Variants in KAZN observed in about 807,000 individuals in gnomAD.
KAZN encodes the protein kazrin.
Under a neutral mutation model 87.4 loss-of-function variants are expected in KAZN, and 40 were observed. The ratio of observed to expected loss-of-function variants is 0.46; its 90% CI spans 0.36 to 0.60. KAZN has a LOEUF of 0.60. Among genes scored for constraint, KAZN ranks in the 20% least tolerant of loss-of-function variants. The pLI is 0.00. For synonymous variants in KAZN, 466 were observed against 458.3 expected (o/e 1.02, Z -0.22); for missense variants, 898 against 1,073.9 (o/e 0.84, Z 2.29).
At chr1:14,723,310 T>C (rs1186920966) in intron 1 of KAZN, among the ~76,000 whole-genome samples, 1 of 152,064 alleles carries the variant, frequency 6.6e-6, no homozygotes, top group African/African-American at 2.4e-5. Flanking sequence ...TACAGCCTAA[T>C]CTGAGCCCTA....
intron 1 of KAZN, among the ~76,000 whole-genome samples, chr1:13,999,836 A>G (rs1344039667): frequency 6.6e-6 from 1 of 152,196 alleles, no homozygotes; most frequent in Non-Finnish European, 1.5e-5. Context: ...AGAATCAAAT[A>G]GACACAATAA....
intron 1 of KAZN, among the ~76,000 whole-genome samples, chr1:14,058,544 C>T (rs1210407520): frequency 6.6e-6 from 1 of 152,170 alleles, no homozygotes; most frequent in African/African-American, 2.4e-5. Context: ...GCTATGTGCT[C>T]GATGCTGGCA....
intron 2 of KAZN, among the ~76,000 whole-genome samples, chr1:14,292,308 A>G (rs1446345810): frequency 6.6e-6 from 1 of 152,134 alleles, no homozygotes; most frequent in Non-Finnish European, 1.5e-5. Context: ...GGCAGTATTC[A>G]GGGTAGAGAA....
At chr1:14,081,621 A>G (rs1418910200) in intron 1 of KAZN, among the ~76,000 whole-genome samples, 1 of 152,192 alleles carries the variant, frequency 6.6e-6, no homozygotes, top group Non-Finnish European at 1.5e-5. Context: ...ACTGGTACAT[A>G]TCCACAACCA....
intron 2 of KAZN, among the ~76,000 whole-genome samples, chr1:14,384,925 G>A (rs1306724404): frequency 2.0e-5 from 3 of 151,410 alleles, no homozygotes; most frequent in African/African-American, 4.9e-5. Context: ...GGTAGAATTC[G>A]GCTGTGAATC....
intron 2 of KAZN, among the ~76,000 whole-genome samples, chr1:14,506,696 G>T (rs932083164): frequency 6.6e-6 from 1 of 152,164 alleles, no homozygotes; most frequent in Non-Finnish European, 1.5e-5. Context: ...ATAAATTTTA[G>T]CTCTCATTGT....
intron 1 of KAZN, among the ~76,000 whole-genome samples, chr1:14,921,223 A>G (rs993934602): frequency 3.9e-5 from 6 of 151,906 alleles, no homozygotes; most frequent in East Asian, 1.9e-4. Context: ...GCACTGAGTA[A>G]AAGTTACAGA....
Position 14,765,886 on chromosome 1 carries a change from G to A in KAZN, c.226+166663G>A, listed in dbSNP as rs536796938. 9.2e-5 allele frequency among the ~76,000 whole-genome samples: 14 copies of A among 152,294 alleles called. No individual in the cohort carries two copies. In the East Asian group the frequency reaches 1.4e-3, roughly 15 times the overall value. ...AGGCAGCAGGCAATCTGGGTGACCC[G>A]CTGATGACACTCACACCAGAAGCCC... On this transcript the variant is annotated intron_variant, in intron 1 of 14. Transcript: ENST00000376030.
At chr1:14,066,050 G>GGTCCTAC (rs544408000) in intron 1 of KAZN, among the ~76,000 whole-genome samples, 109 of 152,164 alleles carry the variant, frequency 7.2e-4, no homozygotes, top group African/African-American at 2.6e-3. Context: ...ACCCAGCTTA[G>GGTCCTAC]GTCCTACTTA....
In KAZN at chr1:14,365,906, C is replaced by G. The variant is rs187018589; in HGVS notation, c.249+185314C>G. 2.2e-4 allele frequency among the ~76,000 whole-genome samples: 34 copies of G among 152,218 alleles called. No homozygotes were observed. The East Asian group carries it at 3.7e-3, about 16-fold the overall frequency. On this transcript the variant is annotated intron_variant, in intron 2 of 16. Coordinates refer to the KAZN transcript ENST00000636203. ...TCTTATGGCATATTGCTAATAATAA[C>G]GACTCAAAATTTCGCCTTGCCCAGC... is the stretch of plus-strand genomic sequence containing the variant.
At chr1:14,386,469 G>C (rs960417838) in intron 2 of KAZN, among the ~76,000 whole-genome samples, 10 of 152,022 alleles carry the variant, frequency 6.6e-5, no homozygotes, top group African/African-American at 2.4e-4. Flanking sequence ...TCCTTTCCAT[G>C]TTTAGCACTT....
chr1:14,392,448 C>CA (rs1662529744), intron 2 of KAZN, among the ~76,000 whole-genome samples: 1 of 152,106 alleles, frequency 6.6e-6, no homozygotes, highest in Non-Finnish European at 1.5e-5. Flanking sequence ...GGTCAGTCTT[C>CA]AGATGTTCAA....
intron 2 of KAZN, among the ~76,000 whole-genome samples, chr1:14,232,487 G>A (rs1295283635): frequency 1.3e-5 from 2 of 152,142 alleles, no homozygotes; most frequent in Non-Finnish European, 2.9e-5. Flanking sequence ...TGGGGATCTG[G>A]AGAGGAAGTC....
At chr1:14,733,955 G>A (rs1166686578) in intron 1 of KAZN, among the ~76,000 whole-genome samples, 1 of 152,146 alleles carries the variant, frequency 6.6e-6, no homozygotes, top group African/African-American at 2.4e-5. Flanking sequence ...ATAGGGCTGC[G>A]CACAGCTCCT....
chr1:14,903,624 A>G (rs541209707), intron 1 of KAZN, among the ~76,000 whole-genome samples: 12 of 152,204 alleles, frequency 7.9e-5, no homozygotes, highest in Non-Finnish European at 1.6e-4. Flanking sequence ...AAAGATAGGG[A>G]TGATGTGAGA....
intron 1 of KAZN, among the ~76,000 whole-genome samples, chr1:14,016,224 G>A (rs1459743608): frequency 2.0e-5 from 3 of 152,172 alleles, no homozygotes; most frequent in African/African-American, 4.8e-5. Flanking sequence ...GTAGGGCTCC[G>A]AGATTAACTA....
At chr1:14,894,106 T>C (rs1479973810) in intron 1 of KAZN, among the ~76,000 whole-genome samples, 1 of 152,088 alleles carries the variant, frequency 6.6e-6, no homozygotes, top group Non-Finnish European at 1.5e-5. Context: ...AGCATCACAG[T>C]ACGTGAATCT....
At chr1:14,595,160 G>T (rs1007625647), upstream of KAZN, among the ~76,000 whole-genome samples, 2 of 151,478 alleles carry the variant, frequency 1.3e-5, no homozygotes, top group Admixed American at 6.6e-5. Context: ...AAAAAGAACT[G>T]CTTAGTATAT....
chr1:15,003,240 T>A (rs965677628), intron 2 of KAZN, among the ~76,000 whole-genome samples: 1 of 152,064 alleles, frequency 6.6e-6, no homozygotes, highest in African/African-American at 2.4e-5. Context: ...GGATAATGCA[T>A]GTAAATTGCA....
Sources: allele counts gnomAD v4.1 joint callset (sites outside exome capture counted in the v4.1 genomes callset), GRCh38; gene constraint gnomAD v4.1.1; transcripts MANE v1.5; gene names NCBI Gene and HGNC (gene_info 2026-07-23, HGNC 2026-07-21).